B4GALT6: variants seen among roughly 807,000 people sequenced by gnomAD.
B4GALT6 encodes the protein beta-1,4-galactosyltransferase 6.
B4GALT6 carries 14 observed loss-of-function variants against 46.3 expected under a neutral mutation model. The ratio of observed to expected loss-of-function variants is 0.30; its 90% CI spans 0.20 to 0.47. The LOEUF (loss-of-function observed/expected upper bound fraction) is 0.47. Among genes scored for constraint, B4GALT6 ranks in the 20% least tolerant of loss-of-function variants. The probability of loss-of-function intolerance (pLI) is 0.99; values close to 1 mark genes in which losing one functional copy is unlikely to be tolerated. For synonymous variants in B4GALT6, 168 were observed against 162.0 expected (o/e 1.04, Z -0.28); for missense variants, 386 against 480.1 (o/e 0.80, Z 1.83).
chr18:31,622,418 G>A lies in B4GALT6; in HGVS notation c.*3196C>T, dbSNP rs1331960330. On this transcript the variant is annotated 3_prime_UTR_variant, in exon 9 of 9. Transcript: ENST00000306851. Reference sequence around the variant, plus strand: ...AATCTTAAGTACACTTCCTCTTTCTGATAAACAATACTATAACCATTTTAG... The same window carrying A: ...AATCTTAAGTACACTTCCTCTTTCTAATAAACAATACTATAACCATTTTAG... The A allele has an allele frequency of 6.6e-6, 1 of 151,926 alleles. No individual in the cohort carries two copies. Among genetic ancestry groups the A allele is most frequent in the African/African-American group, 2.4e-5 (1 of 41,388 alleles). 9.4% of individuals were successfully genotyped at this position (151,926 alleles called of 1,614,324 possible).
chr18:31,679,700 C>A (rs2074457850), intron 1 of B4GALT6, among the ~76,000 whole-genome samples: 1 of 152,208 alleles, frequency 6.6e-6, no homozygotes, highest in Non-Finnish European at 1.5e-5. Context: ...CCCTTACTTT[C>A]ATCTGCCTAC....
the B4GALT6 span, among the ~76,000 whole-genome samples, chr18:31,712,419 C>CA: frequency 6.7e-6 from 1 of 150,366 alleles, no homozygotes; most frequent in Non-Finnish European, 1.5e-5. Context: ...TCTCCTGCCT[C>CA]AGCCTCCCAA....
chr18:31,684,784 G>C (rs1393649344), upstream of B4GALT6: 2 of 1,059,366 alleles, frequency 1.9e-6, no homozygotes, highest in South Asian at 3.1e-5. Flanking sequence ...GCTGCAGGTG[G>C]GAGGAGGCGC....
At chr18:31,647,641 C>G (rs1312978500) in intron 3 of B4GALT6, among the ~76,000 whole-genome samples, 4 of 152,086 alleles carry the variant, frequency 2.6e-5, no homozygotes, top group African/African-American at 9.7e-5. Context: ...AGGGGACAGG[C>G]CTCCCAGGAC....
intron 6 of B4GALT6, among the ~76,000 whole-genome samples, chr18:31,630,034 G>C (rs1370537936): frequency 7.2e-6 from 1 of 139,512 alleles, no homozygotes; most frequent in African/African-American, 2.6e-5. Flanking sequence ...GAAGCAGGAA[G>C]GAAGGAAGGA....
At chr18:31,687,821 A>T (rs2029977922), upstream of B4GALT6, among the ~76,000 whole-genome samples, 1 of 152,196 alleles carries the variant, frequency 6.6e-6, no homozygotes, top group African/African-American at 2.4e-5. Flanking sequence ...TAAGAAGTAT[A>T]CACAGATTGC....
At chr18:31,670,830 C>T (rs1161860394) in intron 1 of B4GALT6, among the ~76,000 whole-genome samples, 1 of 152,038 alleles carries the variant, frequency 6.6e-6, no homozygotes, top group East Asian at 1.9e-4. Context: ...TTTACACATG[C>T]CATGGTGGTT....
At chr18:31,720,480 G>A in the B4GALT6 span, among the ~76,000 whole-genome samples, 2 of 152,204 alleles carry the variant, frequency 1.3e-5, no homozygotes, top group Non-Finnish European at 2.9e-5. Flanking sequence ...AACACCACAA[G>A]GTACAACTAA....
intron 4 of B4GALT6, among the ~76,000 whole-genome samples, chr18:31,642,260 C>T (rs2073939317): frequency 1.3e-5 from 2 of 152,158 alleles, no homozygotes; most frequent in South Asian, 4.1e-4. Context: ...TCACTGCAGC[C>T]TCAAACTCCT....
At chr18:31,627,252 T>C (rs1469624182) in intron 6 of B4GALT6, 131 bp from the exon 7 acceptor site, 2 of 655,668 alleles carry the variant, frequency 3.1e-6, no homozygotes, top group Non-Finnish European at 4.7e-6. Flanking sequence ...TGTTAGAAAA[T>C]GTAAAGTACA....
chr18:31,707,179 C>T, the B4GALT6 span, among the ~76,000 whole-genome samples: 1 of 151,854 alleles, frequency 6.6e-6, no homozygotes, highest in Non-Finnish European at 1.5e-5. Flanking sequence ...AAATTATTAA[C>T]CATGCCCTAT....
At chr18:31,711,248 T>G in the B4GALT6 span, among the ~76,000 whole-genome samples, 5 of 152,230 alleles carry the variant, frequency 3.3e-5, no homozygotes, top group Non-Finnish European at 2.9e-5. Context: ...AATCATTCTT[T>G]TATTTTAAAT....
At chr18:31,677,975 C>T (rs967978030) in intron 1 of B4GALT6, among the ~76,000 whole-genome samples, 3 of 152,208 alleles carry the variant, frequency 2.0e-5, no homozygotes, top group Non-Finnish European at 2.9e-5. Context: ...ACCTCAGCCT[C>T]CCCTCCTACC....
intron 4 of B4GALT6, among the ~76,000 whole-genome samples, chr18:31,644,859 G>C (rs926535271): frequency 6.6e-6 from 1 of 152,224 alleles, no homozygotes; most frequent in Non-Finnish European, 1.5e-5. Flanking sequence ...TGATCTCTGA[G>C]CAGCCTCTTT....
the B4GALT6 span, among the ~76,000 whole-genome samples, chr18:31,697,281 A>AAG: frequency 1.3e-4 from 20 of 151,134 alleles, no homozygotes; most frequent in East Asian, 9.7e-4. Flanking sequence ...CCCTGAAAAA[A>AAG]AGAGAGAGAG....
the B4GALT6 span, among the ~76,000 whole-genome samples, chr18:31,716,621 G>A: frequency 6.6e-6 from 1 of 152,192 alleles, no homozygotes; most frequent in Admixed American, 6.6e-5. Context: ...CCAGAGGGCA[G>A]ATAACTAACT....
chr18:31,631,200 C>CTTTT (rs10657836), intron 5 of B4GALT6, 54 bp from the exon 6 acceptor site: 603 of 1,147,468 alleles, frequency 5.3e-4, no homozygotes, highest in South Asian at 1.1e-3. Context: ...ACTTCATCAT[C>CTTTT]TTTTTTTTTT....
At chr18:31,630,419 T>TG (rs1238335253) in intron 6 of B4GALT6, among the ~76,000 whole-genome samples, 1 of 148,788 alleles carries the variant, frequency 6.7e-6, no homozygotes, top group Non-Finnish European at 1.5e-5. Context: ...AGATTTGGGT[T>TG]TTTTTTTTTT....
chr18:31,680,395 T>G (rs1005735852), intron 1 of B4GALT6, among the ~76,000 whole-genome samples: 1 of 152,114 alleles, frequency 6.6e-6, no homozygotes, highest in African/African-American at 2.4e-5. Context: ...ACATACATGC[T>G]TGCACATAGA....
Sources: gnomAD v4.1 joint callset for allele counts (sites outside exome capture counted in the v4.1 genomes callset) on GRCh38, gnomAD v4.1.1 for gene constraint, MANE v1.5 for transcripts, NCBI Gene and HGNC (gene_info 2026-07-23, HGNC 2026-07-21) for gene names.